Variants in GNG7 observed in about 807,000 individuals in gnomAD.
The protein encoded by GNG7 is G protein subunit gamma 7, also known as guanine nucleotide-binding protein G(I)/G(S)/G(O) subunit gamma-7.
Under a neutral mutation model 4.0 loss-of-function variants are expected in GNG7, and 1 was observed. The ratio of observed to expected loss-of-function variants is 0.25; its 90% CI spans 0.09 to 1.18. The LOEUF (loss-of-function observed/expected upper bound fraction) is 1.18, where lower values mean the gene tolerates loss of function less well. Ranked by LOEUF, GNG7 falls within the 50% of genes most tolerant of loss-of-function variation. The probability of loss-of-function intolerance (pLI) is 0.50; values close to 1 mark genes in which losing one functional copy is unlikely to be tolerated. For missense variants in GNG7, 86 were observed against 91.9 expected (o/e 0.94, Z 0.26); for synonymous variants, 34 against 36.9 (o/e 0.92, Z 0.29).
chr19:2,603,476 C>T (rs569721473), intron 2 of GNG7, among the ~76,000 whole-genome samples: 49 of 152,306 alleles, frequency 3.2e-4, no homozygotes, highest in Non-Finnish European at 5.6e-4. Context: ...GGTGAGACCG[C>T]GGTGGCTCTC....
At chr19:2,657,355 AAAAAAAATATATATATATATATATATAT>A in intron 1 of GNG7, among the ~76,000 whole-genome samples, 3 of 19,174 alleles carry the variant, frequency 1.6e-4, no homozygotes, top group South Asian at 3.9e-3. Context: ...AAAAAAAAAA[AAAAAAAATATATATATATATATATATAT>A]ATATATATAT....
intron 2 of GNG7, among the ~76,000 whole-genome samples, chr19:2,587,862 AGAAGGAAGGAAGGAAG>A (rs71178293): frequency 2.1e-5 from 3 of 144,866 alleles, no homozygotes; most frequent in South Asian, 2.3e-4. Flanking sequence ...AGAGAAAGAG[AGAAGGAAGGAAGGAAG>A]GAAGGAAGGA....
At chr19:2,586,273 G>C (rs976103559) in intron 2 of GNG7, among the ~76,000 whole-genome samples, 2 of 152,200 alleles carry the variant, frequency 1.3e-5, no homozygotes, top group Admixed American at 1.3e-4. Context: ...CCCAGCCCAA[G>C]CTGTGTGGCA....
At chr19:2,692,621 T>G in intron 1 of GNG7, among the ~76,000 whole-genome samples, 2 of 134,502 alleles carry the variant, frequency 1.5e-5, no homozygotes, top group East Asian at 4.3e-4. Context: ...GGCGACAGAG[T>G]GAGACTCCAT....
At chr19:2,622,255 A>G (rs978177356) in intron 2 of GNG7, among the ~76,000 whole-genome samples, 7 of 151,438 alleles carry the variant, frequency 4.6e-5, no homozygotes, top group African/African-American at 1.7e-4. Flanking sequence ...AATTTTTTGT[A>G]TTTTCAGTAG....
intron 2 of GNG7, among the ~76,000 whole-genome samples, chr19:2,619,428 C>T (rs1449693537): frequency 6.6e-6 from 1 of 152,246 alleles, no homozygotes; most frequent in African/African-American, 2.4e-5. Flanking sequence ...TTTGCTACCC[C>T]AGGCCTCGCA....
At chr19:2,664,724 G>C (rs1173276487) in intron 1 of GNG7, among the ~76,000 whole-genome samples, 1 of 151,358 alleles carries the variant, frequency 6.6e-6, no homozygotes, top group African/African-American at 2.4e-5. Context: ...TGTGAGCAGG[G>C]AGCAAACTCA....
At chr19:2,695,814 A>G (rs938618093) in intron 1 of GNG7, among the ~76,000 whole-genome samples, 4 of 152,116 alleles carry the variant, frequency 2.6e-5, no homozygotes, top group Admixed American at 6.5e-5. Flanking sequence ...GTCTCCCGCC[A>G]GGGATGATGA....
At chr19:2,559,491 A>G (rs1979670233) in intron 2 of GNG7, among the ~76,000 whole-genome samples, 1 of 151,512 alleles carries the variant, frequency 6.6e-6, no homozygotes, top group Admixed American at 6.6e-5. Context: ...AGCTGGGATT[A>G]CAGGCACCCA....
intron 1 of GNG7, among the ~76,000 whole-genome samples, chr19:2,661,302 G>GAAAAAGAAAGAAAGAA: frequency 1.2e-4 from 9 of 73,124 alleles, no homozygotes; most frequent in South Asian, 5.2e-4. Context: ...AAGAAAGAAA[G>GAAAAAGAAAGAAAGAA]AGAAAGAAAG....
At chr19:2,696,519 A>G (rs1308216961) in intron 1 of GNG7, among the ~76,000 whole-genome samples, 1 of 152,248 alleles carries the variant, frequency 6.6e-6, no homozygotes. Context: ...AGCCATTTAC[A>G]TCCCAGCACT....
chr19:2,521,008 C>T (rs2144728253), intron 3 of GNG7, among the ~76,000 whole-genome samples: 3 of 152,038 alleles, frequency 2.0e-5, no homozygotes, highest in Admixed American at 2.0e-4. Flanking sequence ...GTAATCCCAG[C>T]ACTTTGGGAG....
intron 3 of GNG7, among the ~76,000 whole-genome samples, chr19:2,550,522 C>G (rs1221410809): frequency 6.6e-6 from 1 of 152,222 alleles, no homozygotes; most frequent in African/African-American, 2.4e-5. Flanking sequence ...GCCACCGCTC[C>G]CGGCCACCTC....
chr19:2,619,562 C>A (rs60152224), intron 2 of GNG7, among the ~76,000 whole-genome samples: 2,084 of 152,320 alleles, frequency 0.014, 45 homozygotes, highest in African/African-American at 0.047. Flanking sequence ...ACAGCAAACG[C>A]CACCATGGAG....
rs1568276412 is a variant in GNG7 at position 2,657,364 on chromosome 19, ATATATAT to A, written c.-134-11091_-134-11085del. On this transcript the variant is annotated intron_variant, in intron 1 of 4. Coordinates refer to ENST00000382159, the MANE Select transcript of GNG7 (RefSeq NM_052847.3). ...AAAAAAAAAAAAAAAAAAAAAAAAT[ATATATAT>A]ATATATATATATATATATATATATA... Among the ~76,000 whole-genome samples, 16 of 17,426 alleles carry A rather than the reference ATATATAT, an allele frequency of 9.2e-4. 1 individual carries two copies. The highest frequency in any genetic ancestry group is 1.5e-3 in the Non-Finnish European group (13 of 8,604). 11.4% of individuals were successfully genotyped at this position (17,426 alleles called of 152,430 possible). A position where few individuals can be genotyped will look rare whatever the true frequency, so the allele number is the denominator to read the frequency against.
intron 2 of GNG7, among the ~76,000 whole-genome samples, chr19:2,564,072 A>G (rs1599393315): frequency 6.6e-6 from 1 of 152,112 alleles, no homozygotes; most frequent in East Asian, 1.9e-4. Context: ...CCTAAACAGG[A>G]GTGTAGCTAA....
intron 1 of GNG7, among the ~76,000 whole-genome samples, chr19:2,655,979 C>T (rs781763005): frequency 6.3e-5 from 9 of 143,532 alleles, no homozygotes; most frequent in Non-Finnish European, 1.2e-4. Flanking sequence ...GAGCCAGGAT[C>T]GTGCCACTGC....
chr19:2,520,675 T>A lies in GNG7; in HGVS notation c.14A>T (p.Asn5Ile). 2 of 1,545,366 alleles carry A rather than the reference T, an allele frequency of 1.3e-6. No individual in the cohort carries two copies. The highest frequency in any genetic ancestry group is 1.8e-6 in the Non-Finnish European group (2 of 1,140,014). The change falls in exon 4 of 5, where the codon AAC (asparagine) becomes ATC (isoleucine). Residue 5 changes from asparagine to isoleucine, a missense_variant. Coordinates refer to ENST00000382159, the MANE Select transcript of GNG7 (RefSeq NM_052847.3). Reference protein sequence around the residue: MSATNNIAQARKLVE... With the variant: MSATINIAQARKLVE... ...CAGCTTCCGGGCCTGGGCTATGTTG[T>A]TAGTGGCTGACATTGTCTGCCATCA...
chr19:2,637,973 TG>T (rs1424545457), intron 2 of GNG7, among the ~76,000 whole-genome samples: 23 of 151,936 alleles, frequency 1.5e-4, no homozygotes, highest in Non-Finnish European at 1.6e-4. Flanking sequence ...AGAGAGGAGA[TG>T]AATCCCAGGA....
Sources: gnomAD v4.1 joint callset for allele counts (sites outside exome capture counted in the v4.1 genomes callset) on GRCh38, gnomAD v4.1.1 for gene constraint, MANE v1.5 for transcripts, NCBI Gene and HGNC (gene_info 2026-07-23, HGNC 2026-07-21) for gene names.